TRPC3: variants seen among roughly 807,000 people sequenced by gnomAD.
TRPC3 encodes the protein short transient receptor potential channel 3.
A neutral mutation model predicts 90.9 loss-of-function variants in TRPC3; 54 were observed. That is an observed-to-expected ratio of 0.59 (90% CI 0.48 to 0.75). TRPC3 has a LOEUF of 0.75. Ranked by LOEUF, TRPC3 falls within the 30% of genes least tolerant of loss-of-function variation. The probability of loss-of-function intolerance (pLI) is 0.00; values close to 1 mark genes in which losing one functional copy is unlikely to be tolerated. For missense variants in TRPC3, 918 were observed against 1,194.5 expected (o/e 0.77, Z 3.41); for synonymous variants, 424 against 450.9 (o/e 0.94, Z 0.75).
At chr4:121,931,046 C>G (rs935542665) in intron 2 of TRPC3, among the ~76,000 whole-genome samples, 1 of 152,118 alleles carries the variant, frequency 6.6e-6, no homozygotes, top group Non-Finnish European at 1.5e-5. Flanking sequence ...AAGTCCAGAT[C>G]TCCACTGGGA....
chr4:121,926,725 C>A (rs1328127024), intron 2 of TRPC3, among the ~76,000 whole-genome samples: 1 of 152,116 alleles, frequency 6.6e-6, no homozygotes, highest in Non-Finnish European at 1.5e-5. Flanking sequence ...TTTTAGAGAA[C>A]CTCTCTCTCT....
intron 2 of TRPC3, among the ~76,000 whole-genome samples, chr4:121,929,867 A>T (rs553066711): frequency 0.041 from 6,125 of 149,642 alleles, 390 homozygotes; most frequent in African/African-American, 0.14. Flanking sequence ...CTAGGAAAAA[A>T]TTTTTTTTTT....
At chr4:121,936,464 C>T (rs937235300) in intron 1 of TRPC3, among the ~76,000 whole-genome samples, 1 of 152,160 alleles carries the variant, frequency 6.6e-6, no homozygotes, top group East Asian at 1.9e-4. Flanking sequence ...ATTGGAGTAC[C>T]ACTGACCCGC....
chr4:121,913,663 G>C (rs1578627919), intron 4 of TRPC3, among the ~76,000 whole-genome samples: 1 of 140,774 alleles, frequency 7.1e-6, no homozygotes, highest in East Asian at 2.3e-4. Context: ...TTTATTGCAT[G>C]CTCTCTCATA....
At chr4:121,914,994 T>C in intron 3 of TRPC3, 50 bp from the exon 4 acceptor site, 1 of 1,500,928 alleles carries the variant, frequency 6.7e-7, no homozygotes, top group South Asian at 1.3e-5. Context: ...TAAGTTACCA[T>C]ACCATTGTCA....
intron 9 of TRPC3, 152 bp downstream of exon 9, chr4:121,902,700 A>G (rs1728743228): frequency 1.9e-6 from 1 of 524,088 alleles, no homozygotes; most frequent in East Asian, 3.3e-5. Flanking sequence ...TCATGAAAAT[A>G]TTTAGTATTA....
chr4:121,910,305 A>G lies in TRPC3; in HGVS notation c.1641T>C (p.Phe547=). 1 of 1,613,882 alleles carries G rather than the reference A, an allele frequency of 6.2e-7. No individual in the cohort carries two copies. The highest frequency in any genetic ancestry group is 8.5e-7 in the Non-Finnish European group (1 of 1,179,812). The change falls in exon 6 of 12, where the codon TTT becomes TTC. Residue 547 remains phenylalanine, a synonymous_variant. Transcript: ENST00000379645. ...YILQLWNVLD[F]GMLSIFIAAF... is the part of the protein sequence containing the mutation. ...CAGCAATGAAGATGGACAGCATCCC[A>G]AAGTCAAGCACATTCCACAACTGCA...
chr4:121,947,719 A>C (rs1281359133), intron 1 of TRPC3, among the ~76,000 whole-genome samples: 1 of 152,252 alleles, frequency 6.6e-6, no homozygotes, highest in Non-Finnish European at 1.5e-5. Flanking sequence ...AGCATGAAGT[A>C]GTATATAAAC....
At chr4:121,949,117 T>C (rs1730595898) in intron 1 of TRPC3, among the ~76,000 whole-genome samples, 1 of 152,180 alleles carries the variant, frequency 6.6e-6, no homozygotes, top group African/African-American at 2.4e-5. Flanking sequence ...TCACATATAC[T>C]GAATAACTGA....
rs72919915 is a variant in TRPC3 at position 121,879,956 on chromosome 4, A to G, written c.2624-78T>C. 5.4e-3 allele frequency: 7,416 copies of G among 1,361,264 alleles called. 338 individuals are homozygous for G. The African/African-American group carries it at 0.1, about 18-fold the overall frequency. 84.3% of individuals were successfully genotyped at this position (1,361,264 alleles called of 1,614,324 possible). On this transcript the variant is annotated intron_variant, in intron 11 of 11. Coordinates refer to ENST00000379645, the MANE Select transcript of TRPC3 (RefSeq NM_001130698.2). Reference sequence around the variant, plus strand: ...ATGAACAAAGAGTGAAATTCTTACAATATCAATGTATTTGCTTCATAAGGT... The same window carrying G: ...ATGAACAAAGAGTGAAATTCTTACAGTATCAATGTATTTGCTTCATAAGGT...
At chr4:121,911,453 C>A (rs922558651) in intron 5 of TRPC3, among the ~76,000 whole-genome samples, 1 of 152,106 alleles carries the variant, frequency 6.6e-6, no homozygotes, top group Non-Finnish European at 1.5e-5. Flanking sequence ...TTGTACCCAA[C>A]CTAATAACAA....
intron 10 of TRPC3, among the ~76,000 whole-genome samples, chr4:121,884,781 C>T (rs1728055790): frequency 6.6e-6 from 1 of 152,168 alleles, no homozygotes; most frequent in African/African-American, 2.4e-5. Context: ...CTGGATGGAT[C>T]TTAAACTGGA....
At chr4:121,914,965 T>G (rs756564631) in intron 3 of TRPC3, 21 bp from the exon 4 acceptor site, 1 of 1,575,600 alleles carries the variant, frequency 6.3e-7, no homozygotes, top group South Asian at 1.1e-5. Flanking sequence ...AGAGAGAGTT[T>G]GAGAAGGGGA....
Position 121,932,371 on chromosome 4 carries a change from C to A in TRPC3, c.887G>T (p.Ser296Ile), listed in dbSNP as rs549112100. 6.2e-7 allele frequency: 1 copy of A among 1,614,162 alleles called. No homozygotes were observed. The highest frequency in any genetic ancestry group is 1.1e-5 in the South Asian group (1 of 91,084). Reference sequence around the variant, plus strand: ...GCTGGACAATGAGAGGTAAGCCGGGCTGGCCAGCCCCTTGTAGGCATTGAT... The same window carrying A: ...GCTGGACAATGAGAGGTAAGCCGGGATGGCCAGCCCCTTGTAGGCATTGAT... ...SRINAYKGLA[S>I]PAYLSLSSED... Residue 296 changes from serine (S) to isoleucine (I), a missense_variant, in exon 2 of 12, where the codon AGC (serine) becomes ATC (isoleucine). Physicochemically the swap from Ser to Ile is moderately radical, Grantham distance 142. Coordinates refer to ENST00000379645, the MANE Select transcript of TRPC3 (RefSeq NM_001130698.2). The surrounding 1 kb of genome is among the most constrained non-coding windows in gnomAD (Gnocchi z 7.7).
chr4:121,908,863 T>TA (rs1235934449), intron 6 of TRPC3, among the ~76,000 whole-genome samples: 4 of 151,808 alleles, frequency 2.6e-5, no homozygotes, highest in Non-Finnish European at 2.9e-5. Flanking sequence ...CCTCTGAATC[T>TA]AAAAAAAAGT....
chr4:121,909,112 A>T (rs560370294), intron 6 of TRPC3, among the ~76,000 whole-genome samples: 10 of 152,266 alleles, frequency 6.6e-5, no homozygotes, highest in African/African-American at 2.2e-4. Context: ...TGGTCAAGAT[A>T]CCTAAAATAC....
chr4:121,938,499 T>G (rs1158797578), intron 1 of TRPC3, among the ~76,000 whole-genome samples: 1 of 152,224 alleles, frequency 6.6e-6, no homozygotes, highest in African/African-American at 2.4e-5. Flanking sequence ...GCTGGGTTGT[T>G]GTAACAGCTT....
At position 121,876,858 on chromosome 4, in the gene TRPC3, T is replaced by C. The variant is rs1473644366; in HGVS notation, c.*2878A>G. Among the ~76,000 whole-genome samples, 2 of 152,200 alleles carry C rather than the reference T, an allele frequency of 1.3e-5. No homozygotes were observed. The highest frequency in any genetic ancestry group is 3.8e-4 in the East Asian group (2 of 5,198). ...ATAAGTCTAAGAAGCACTTTGAGTG[T>C]TGCTTTCTTTTCTTTATCTGTAAAT... is the stretch of plus-strand genomic sequence containing the variant. On this transcript the variant is annotated 3_prime_UTR_variant, in exon 12 of 12. Transcript: ENST00000379645.
chr4:121,931,862 T>C (rs1474975021), intron 2 of TRPC3, among the ~76,000 whole-genome samples: 1 of 152,194 alleles, frequency 6.6e-6, no homozygotes, highest in African/African-American at 2.4e-5. Context: ...AGACACGGTA[T>C]ACTCCCTCAG....
Sources: gnomAD v4.1 joint callset for allele counts (sites outside exome capture counted in the v4.1 genomes callset) on GRCh38, gnomAD v4.1.1 for gene constraint, Gnocchi (gnomAD v3.1) non-coding constraint, MANE v1.5 for transcripts, NCBI Gene and HGNC (gene_info 2026-07-23, HGNC 2026-07-21) for gene names.